CTXN3: variants seen among roughly 807,000 people sequenced by gnomAD.
The protein encoded by CTXN3 is cortexin-3.
In CTXN3, 4 loss-of-function variants were observed where a neutral mutation model predicts 5.0. The ratio of observed to expected loss-of-function variants is 0.79; its 90% CI spans 0.39 to 1.82. The LOEUF is 1.82. CTXN3 is among the 40% of genes most tolerant of loss of function. The pLI, the probability that CTXN3 is intolerant of heterozygous loss-of-function variation, is 0.04. For missense variants in CTXN3, 89 were observed against 99.7 expected (o/e 0.89, Z 0.46); for synonymous variants, 48 against 38.6 (o/e 1.24, Z -0.91).
chr5:127,657,875 C>T lies in CTXN3; in HGVS notation c.*108C>T. 7.5e-7 allele frequency: 1 copy of T among 1,334,666 alleles called. No homozygotes were observed. 82.7% of individuals were successfully genotyped at this position (1,334,666 alleles called of 1,614,324 possible). On this transcript the variant is annotated 3_prime_UTR_variant, in exon 3 of 3. Transcript: ENST00000379445. ...AAATCAAATTTAAACAATATTTGGT[C>T]CCAGGACCATAATCCATTATTCCAT...
Position 127,657,429 on chromosome 5 carries a change from C to A in CTXN3, c.-93C>A. On this transcript the variant is annotated 5_prime_UTR_variant, in exon 3 of 3. Coordinates refer to ENST00000379445, the MANE Select transcript of CTXN3 (RefSeq NM_001048252.3). The stretch of plus-strand genomic sequence containing the variant: ...CCTTCCTTTTTCCCTGCAGATAACT[C>A]AGCCTCTCCAGAGTGCAGCCACCAT... The A allele has an allele frequency of 7.0e-7, 1 of 1,433,604 alleles. No individual in the cohort carries two copies. The highest frequency in any genetic ancestry group is 9.5e-7 in the Non-Finnish European group (1 of 1,048,598). 88.8% of individuals were successfully genotyped at this position (1,433,604 alleles called of 1,614,324 possible). A position where few individuals can be genotyped will look rare whatever the true frequency, so the allele number is the denominator to read the frequency against.
chr5:127,657,288 C>A (rs1749930937), intron 2 of CTXN3, 135 bp from the exon 3 acceptor site: 1 of 516,526 alleles, frequency 1.9e-6, no homozygotes. Flanking sequence ...GATAATTATA[C>A]AGAATTGAGC....
chr5:127,653,941 A>AGG (rs1176257196), intron 2 of CTXN3, among the ~76,000 whole-genome samples: 2 of 152,056 alleles, frequency 1.3e-5, no homozygotes, highest in Non-Finnish European at 2.9e-5. Flanking sequence ...TCCCTCCCCT[A>AGG]GGGCTCTCCA....
intron 1 of CTXN3, among the ~76,000 whole-genome samples, chr5:127,651,187 C>A (rs1749778086): frequency 6.6e-6 from 1 of 152,122 alleles, no homozygotes; most frequent in South Asian, 2.1e-4. Context: ...GATAAAGTGT[C>A]CTGTCTATCA....
rs548283614 is a variant in CTXN3 at position 127,651,189 on chromosome 5, T to G, written c.-207+1801T>G. On this transcript the variant is annotated intron_variant, in intron 1 of 2. Transcript: ENST00000379445. Reference sequence around the variant, plus strand: ...TATATCTTTGCAGGATAAAGTGTCCTGTCTATCACATGTGAATGGAAACTG... The same window carrying G: ...TATATCTTTGCAGGATAAAGTGTCCGGTCTATCACATGTGAATGGAAACTG... Among the ~76,000 whole-genome samples the G allele has an allele frequency of 5.1e-4, 78 of 152,326 alleles. 1 individual carries two copies. The highest frequency in any genetic ancestry group is 1.1e-3 in the Admixed American group (17 of 15,300).
chr5:127,652,746 G>T (rs1293464830), intron 1 of CTXN3, among the ~76,000 whole-genome samples: 1 of 152,188 alleles, frequency 6.6e-6, no homozygotes, highest in Non-Finnish European at 1.5e-5. Context: ...GAGCACAGCA[G>T]GTATTGGATC....
chr5:127,650,085 A>G (rs17605821), intron 1 of CTXN3, among the ~76,000 whole-genome samples: 2,985 of 152,160 alleles, frequency 0.02, 35 homozygotes, highest in Non-Finnish European at 0.024. Flanking sequence ...AGATATTAAG[A>G]GGAAGATGAA....
chr5:127,654,528 C>T (rs545636406), intron 2 of CTXN3, among the ~76,000 whole-genome samples: 1 of 152,300 alleles, frequency 6.6e-6, no homozygotes, highest in East Asian at 1.9e-4. Flanking sequence ...GGCAGATAAT[C>T]TGAATCAGGA....
In CTXN3 at chr5:127,657,982, T is replaced by A. The variant is rs113670316; in HGVS notation, c.*215T>A. 5.3e-6 allele frequency: 3 copies of A among 567,738 alleles called. No individual in the cohort carries two copies. The allele number at this position is 567,738 out of a possible 1,614,324, so 35.2% of individuals were successfully genotyped here. A position where few individuals can be genotyped will look rare whatever the true frequency, so the allele number is the denominator to read the frequency against. On this transcript the variant is annotated 3_prime_UTR_variant, in exon 3 of 3. Transcript: ENST00000379445. The stretch of plus-strand genomic sequence containing the variant: ...CTAATCCAACATAAGAAGGTTTAAA[T>A]TTTTATGTTTGCTCAATGAATGAGT...
intron 2 of CTXN3, among the ~76,000 whole-genome samples, chr5:127,654,592 C>T (rs1297999301): frequency 6.6e-6 from 1 of 152,156 alleles, no homozygotes; most frequent in African/African-American, 2.4e-5. Flanking sequence ...CTGCAGCCCC[C>T]AAATGAATGG....
intron 2 of CTXN3, among the ~76,000 whole-genome samples, chr5:127,655,280 C>A (rs1561421586): frequency 1.3e-5 from 2 of 152,066 alleles, no homozygotes; most frequent in African/African-American, 4.8e-5. Context: ...AAAAAAAAGA[C>A]TTTCTGAAAA....
chr5:127,657,224 T>A (rs1048510397), intron 2 of CTXN3, among the ~76,000 whole-genome samples, 199 bp from the exon 3 acceptor site: 1 of 152,162 alleles, frequency 6.6e-6, no homozygotes, highest in Non-Finnish European at 1.5e-5. Flanking sequence ...TGGCCCCAGG[T>A]GGCTCTTCTG....
chr5:127,656,240 G>A (rs1024865927), intron 2 of CTXN3, among the ~76,000 whole-genome samples: 3 of 151,882 alleles, frequency 2.0e-5, no homozygotes, highest in East Asian at 1.9e-4. Context: ...TTTTATTTAC[G>A]ATGTGATTTA....
Position 127,658,202 on chromosome 5 carries a change from T to C in CTXN3, c.*435T>C, listed in dbSNP as rs150321324. 95 of 190,992 alleles carry C rather than the reference T, an allele frequency of 5.0e-4. No homozygotes were observed. In the East Asian group the frequency reaches 0.013, roughly 26 times the overall value. The allele number at this position is 190,992 out of a possible 1,614,324, so 11.8% of individuals were successfully genotyped here. On this transcript the variant is annotated 3_prime_UTR_variant, in exon 3 of 3. Coordinates refer to ENST00000379445, the MANE Select transcript of CTXN3 (RefSeq NM_001048252.3). The stretch of plus-strand genomic sequence containing the variant: ...TTGTTTTATTTCATGGGCACCTATC[T>C]GGGTCCTGAGCAGAATGAGGAAGAT...
In CTXN3 at chr5:127,657,690, C is replaced by A. The variant is rs773647759; in HGVS notation, c.169C>A (p.Arg57=). 2 of 1,614,134 alleles carry A rather than the reference C, an allele frequency of 1.2e-6. No individual in the cohort carries two copies. The highest frequency in any genetic ancestry group is 2.2e-5 in the South Asian group (2 of 91,072). The change falls in exon 3 of 3, where the codon CGA becomes AGA. Residue 57 remains arginine, a synonymous_variant. Transcript: ENST00000379445. ...CTTCCGGATTCTTTTGGATCCATAT[C>A]GAAGCATGCCAACCTCTACCTGGGC... is the stretch of plus-strand genomic sequence containing the variant. ...RCFRILLDPY[R]SMPTSTWADG...
intron 2 of CTXN3, among the ~76,000 whole-genome samples, chr5:127,656,576 G>GA (rs1318489312): frequency 6.6e-6 from 1 of 152,004 alleles, no homozygotes; most frequent in African/African-American, 2.4e-5. Flanking sequence ...GTTTTCTGAG[G>GA]AAAAAAGAAA....
intron 2 of CTXN3, among the ~76,000 whole-genome samples, chr5:127,653,975 A>G (rs1749849313): frequency 6.6e-6 from 1 of 152,012 alleles, no homozygotes. Flanking sequence ...TCACACCACC[A>G]TGCCTGTCTT....
chr5:127,651,809 T>C (rs1288199637), intron 1 of CTXN3: 1 of 151,848 alleles, frequency 6.6e-6, no homozygotes, highest in Non-Finnish European at 1.5e-5. Context: ...CTTAAGTAAT[T>C]CTGTCGCTGT....
At chr5:127,655,955 C>T (rs2126743122) in intron 2 of CTXN3, among the ~76,000 whole-genome samples, 1 of 152,236 alleles carries the variant, frequency 6.6e-6, no homozygotes, top group East Asian at 1.9e-4. Flanking sequence ...TGTAATTTTA[C>T]AAACTTTGAA....
Sources: allele counts gnomAD v4.1 joint callset (sites outside exome capture counted in the v4.1 genomes callset), GRCh38; gene constraint gnomAD v4.1.1; transcripts MANE v1.5; gene names NCBI Gene and HGNC (gene_info 2026-07-23, HGNC 2026-07-21).